Variants in LEF1 observed in about 807,000 individuals in gnomAD.
LEF1 encodes the protein lymphoid enhancer-binding factor 1.
LEF1 carries 14 observed loss-of-function variants against 51.2 expected under a neutral mutation model. The observed-to-expected ratio is 0.27, with a 90% CI of 0.18 to 0.43. LEF1 has a LOEUF of 0.43. Among genes scored for constraint, LEF1 ranks in the 20% least tolerant of loss-of-function variants. LEF1 has a pLI of 1.00. For missense variants in LEF1, 386 were observed against 512.0 expected (o/e 0.75, Z 2.37); for synonymous variants, 185 against 183.2 (o/e 1.01, Z -0.08).
chr4:108,114,911 G>A (rs898210626), intron 3 of LEF1, among the ~76,000 whole-genome samples: 1 of 152,228 alleles, frequency 6.6e-6, no homozygotes, highest in African/African-American at 2.4e-5. Flanking sequence ...ATTATCCCGA[G>A]CAGCACTTAT....
At chr4:108,112,435 C>T (rs561475122) in intron 3 of LEF1, among the ~76,000 whole-genome samples, 2 of 152,324 alleles carry the variant, frequency 1.3e-5, no homozygotes, top group African/African-American at 4.8e-5. Flanking sequence ...TGGCCAGTCC[C>T]ACCCACCCAT....
Position 108,079,477 on chromosome 4 carries a change from C to T in LEF1, c.845+15G>A, listed in dbSNP as rs776062050. The T allele has an allele frequency of 2.7e-5, 44 of 1,613,700 alleles. No homozygotes were observed. Among genetic ancestry groups the T allele is most frequent in the Non-Finnish European group, 3.7e-5 (44 of 1,179,876 alleles). On this transcript the variant is annotated intron_variant, in intron 7 of 11. Coordinates refer to ENST00000265165, the MANE Select transcript of LEF1 (RefSeq NM_016269.5). ...ATCCTAAGGCAATCACAGCAGAGCC[C>T]GGGTGGATACTTACACGTGCATTAG...
At chr4:108,093,067 A>G (rs1352561543) in intron 3 of LEF1, among the ~76,000 whole-genome samples, 3 of 152,048 alleles carry the variant, frequency 2.0e-5, no homozygotes, top group Admixed American at 6.6e-5. Context: ...TAAGAAACCT[A>G]AAGTATATTT....
chr4:108,101,248 T>C (rs1464563605), intron 3 of LEF1, among the ~76,000 whole-genome samples: 2 of 152,214 alleles, frequency 1.3e-5, no homozygotes, highest in Non-Finnish European at 1.5e-5. Context: ...AAGCAAATAA[T>C]TGAGACTTTC....
intron 3 of LEF1, among the ~76,000 whole-genome samples, chr4:108,099,473 C>T (rs1163108900): frequency 2.7e-5 from 4 of 149,064 alleles, no homozygotes; most frequent in Non-Finnish European, 4.4e-5. Context: ...ATATCCCATA[C>T]TGAGAGTCAA....
chr4:108,144,064 G>A (rs905749799), intron 3 of LEF1, among the ~76,000 whole-genome samples: 1 of 152,084 alleles, frequency 6.6e-6, no homozygotes, highest in Non-Finnish European at 1.5e-5. Flanking sequence ...GGTGAGGAGT[G>A]GGGGAAGCAA....
At chr4:108,153,344 G>A (rs920971504) in intron 3 of LEF1, among the ~76,000 whole-genome samples, 1 of 152,182 alleles carries the variant, frequency 6.6e-6, no homozygotes, top group African/African-American at 2.4e-5. Flanking sequence ...GGAAGTCCAT[G>A]GTTTGTATCA....
intron 3 of LEF1, among the ~76,000 whole-genome samples, chr4:108,112,329 C>T (rs961289764): frequency 1.3e-5 from 2 of 152,172 alleles, no homozygotes; most frequent in East Asian, 1.9e-4. Flanking sequence ...GTCAGTTTTT[C>T]GCTGCATGCC....
At chr4:108,118,661 AT>A (rs1431896917) in intron 3 of LEF1, among the ~76,000 whole-genome samples, 3 of 151,990 alleles carry the variant, frequency 2.0e-5, no homozygotes, top group Admixed American at 6.6e-5. Flanking sequence ...TTGTTTACCT[AT>A]TTTTTTTAAA....
chr4:108,124,636 G>C (rs1291329376), intron 3 of LEF1, among the ~76,000 whole-genome samples: 1 of 152,122 alleles, frequency 6.6e-6, no homozygotes, highest in Admixed American at 6.5e-5. Flanking sequence ...CCAAAGTGCT[G>C]GGATTACAGG....
rs375702935 is a variant in LEF1 at position 108,096,597 on chromosome 4, G to A, written c.415-7340C>T. ...AAAGCAAATGGACAAATGGGATCACGTTAAGTTAAAAAGCTTCTGGAGAGC... is the reference window on the plus strand; with the variant it reads ...AAAGCAAATGGACAAATGGGATCACATTAAGTTAAAAAGCTTCTGGAGAGC... On this transcript the variant is annotated intron_variant, in intron 3 of 11. Coordinates refer to ENST00000265165, the MANE Select transcript of LEF1 (RefSeq NM_016269.5). Among the ~76,000 whole-genome samples the A allele has an allele frequency of 7.2e-5, 11 of 152,250 alleles. No homozygotes were observed. The East Asian group carries it at 1.7e-3, about 24-fold the overall frequency.
chr4:108,129,312 T>A (rs907289724), intron 3 of LEF1, among the ~76,000 whole-genome samples: 1 of 152,192 alleles, frequency 6.6e-6, no homozygotes, highest in African/African-American at 2.4e-5. Context: ...ACCCTTTCCA[T>A]TCCCAAGAAC....
At position 108,089,159 on chromosome 4, in the gene LEF1, C is replaced by T. The variant is rs144971579; in HGVS notation, c.513G>A (p.Pro171=). Residue 171 remains proline (P), a synonymous_variant, in exon 4 of 12, where the codon CCG becomes CCA. Transcript: ENST00000265165. ...AGTTGACATCTGATGGGATGTGTGA[C>T]GGGTGTGATCCTGGAGAAAAGTGCT... ...SDEHFSPGSH[P]SHIPSDVNSK... The T allele has an allele frequency of 3.1e-4, 502 of 1,613,924 alleles. 2 individuals are homozygous for T. Among genetic ancestry groups the T allele is most frequent in the East Asian group, 6.9e-4 (31 of 44,868 alleles).
At chr4:108,148,316 C>G (rs1481044570) in intron 3 of LEF1, among the ~76,000 whole-genome samples, 1 of 151,830 alleles carries the variant, frequency 6.6e-6, no homozygotes, top group Admixed American at 6.6e-5. Flanking sequence ...CCTGGCCCAG[C>G]CCAGAGGTGT....
At chr4:108,151,544 T>C (rs762175536) in intron 3 of LEF1, among the ~76,000 whole-genome samples, 8 of 152,160 alleles carry the variant, frequency 5.3e-5, no homozygotes, top group Non-Finnish European at 1.0e-4. Context: ...TATCTGACCT[T>C]CCACTTCTTG....
chr4:108,164,331 T>G (rs1289206375), intron 2 of LEF1, among the ~76,000 whole-genome samples: 1 of 152,182 alleles, frequency 6.6e-6, no homozygotes, highest in Non-Finnish European at 1.5e-5. Context: ...TGTGTAACTA[T>G]CTTGTAGCTG....
intron 3 of LEF1, among the ~76,000 whole-genome samples, chr4:108,140,890 A>T (rs1448910186): frequency 6.6e-6 from 1 of 152,232 alleles, no homozygotes; most frequent in Non-Finnish European, 1.5e-5. Flanking sequence ...ATTAAATCTG[A>T]AAACAAGGGA....
intron 3 of LEF1, among the ~76,000 whole-genome samples, chr4:108,135,146 A>T (rs1218438118): frequency 6.6e-6 from 1 of 152,210 alleles, no homozygotes; most frequent in Admixed American, 6.5e-5. Context: ...CCTAAAATCT[A>T]CTTTGAGCCC....
At chr4:108,114,838 C>G (rs1475165568) in intron 3 of LEF1, among the ~76,000 whole-genome samples, 1 of 152,210 alleles carries the variant, frequency 6.6e-6, no homozygotes, top group Admixed American at 6.5e-5. Context: ...ATAAATGGAA[C>G]AGCCGGCTTC....
Sources: allele counts gnomAD v4.1 joint callset (sites outside exome capture counted in the v4.1 genomes callset), GRCh38; gene constraint gnomAD v4.1.1; transcripts MANE v1.5; gene names NCBI Gene and HGNC (gene_info 2026-07-23, HGNC 2026-07-21).